The following SCHIP1 variants were observed in gnomAD, a reference collection of about 807,000 sequenced individuals.
SCHIP1 encodes schwannomin-interacting protein 1.
Under a neutral mutation model 29.7 loss-of-function variants are expected in SCHIP1, and 8 were observed. The ratio of observed to expected loss-of-function variants is 0.27; its 90% CI spans 0.16 to 0.49. The LOEUF (loss-of-function observed/expected upper bound fraction) is 0.49. Among genes scored for constraint, SCHIP1 ranks in the 20% least tolerant of loss-of-function variants. SCHIP1 has a pLI of 0.99. For missense variants in SCHIP1, 193 were observed against 294.6 expected (o/e 0.66, Z 2.52); for synonymous variants, 76 against 94.9 (o/e 0.80, Z 1.16).
At chr3:159,645,610 C>G in the SCHIP1 span, among the ~76,000 whole-genome samples, 2 of 152,044 alleles carry the variant, frequency 1.3e-5, no homozygotes, top group Non-Finnish European at 2.9e-5. Context: ...GGCAGGAGTG[C>G]GGAGAATGGA....
At chr3:159,737,874 C>T in the SCHIP1 span, among the ~76,000 whole-genome samples, 7 of 152,068 alleles carry the variant, frequency 4.6e-5, no homozygotes, top group East Asian at 3.8e-4. Context: ...CTACACTGCA[C>T]GGGTGCGGGA....
the SCHIP1 span, among the ~76,000 whole-genome samples, chr3:159,756,979 C>A: frequency 1.3e-5 from 2 of 152,224 alleles, no homozygotes; most frequent in Non-Finnish European, 2.9e-5. Flanking sequence ...TTTGGCAAAG[C>A]CATTCAACAA....
the SCHIP1 span, among the ~76,000 whole-genome samples, chr3:159,794,591 A>G: frequency 6.6e-6 from 1 of 152,230 alleles, no homozygotes; most frequent in Non-Finnish European, 1.5e-5. Context: ...GGTCAAGGCC[A>G]AAGAACTCAC....
the SCHIP1 span, among the ~76,000 whole-genome samples, chr3:159,466,754 A>G: frequency 6.6e-6 from 1 of 152,278 alleles, no homozygotes; most frequent in African/African-American, 2.4e-5. Flanking sequence ...TATTAGTTGT[A>G]AAAGAGGAGT....
chr3:159,402,789 G>T, the SCHIP1 span, among the ~76,000 whole-genome samples: 1 of 152,086 alleles, frequency 6.6e-6, no homozygotes, highest in Non-Finnish European at 1.5e-5. Context: ...TGTTGGGTGG[G>T]GGGAGCAGGG....
At chr3:159,627,734 A>G in the SCHIP1 span, among the ~76,000 whole-genome samples, 1 of 152,216 alleles carries the variant, frequency 6.6e-6, no homozygotes, top group South Asian at 2.1e-4. Context: ...AATTATTTTT[A>G]AAATCTACTG....
At chr3:159,846,665 T>C (rs1711881214) in intron 1 of SCHIP1, among the ~76,000 whole-genome samples, 1 of 152,240 alleles carries the variant, frequency 6.6e-6, no homozygotes, top group African/African-American at 2.4e-5. Context: ...TAAATATAAG[T>C]TCAATGAGAC....
chr3:159,730,673 G>T, the SCHIP1 span, among the ~76,000 whole-genome samples: 1 of 152,028 alleles, frequency 6.6e-6, no homozygotes, highest in Non-Finnish European at 1.5e-5. Context: ...TTCCCTTAAA[G>T]AAAATTTAAT....
At chr3:159,556,341 A>T in the SCHIP1 span, among the ~76,000 whole-genome samples, 5 of 152,214 alleles carry the variant, frequency 3.3e-5, no homozygotes, top group East Asian at 9.7e-4. Context: ...TAGTTCAACC[A>T]TTGTGGAAGT....
the SCHIP1 span, among the ~76,000 whole-genome samples, chr3:159,724,625 C>T: frequency 2.0e-5 from 3 of 152,094 alleles, no homozygotes; most frequent in Non-Finnish European, 4.4e-5. Flanking sequence ...TGGTGATTTA[C>T]AATGGGATAT....
At chr3:159,285,862 T>C in the SCHIP1 span, among the ~76,000 whole-genome samples, 1 of 152,134 alleles carries the variant, frequency 6.6e-6, no homozygotes, top group African/African-American at 2.4e-5. Context: ...GAAACCAGGA[T>C]AGAGGCATTT....
chr3:159,403,303 C>T, the SCHIP1 span, among the ~76,000 whole-genome samples: 1 of 152,028 alleles, frequency 6.6e-6, no homozygotes, highest in Non-Finnish European at 1.5e-5. Context: ...GTATCCACAC[C>T]AAATATCACC....
chr3:159,743,108 G>A, the SCHIP1 span, among the ~76,000 whole-genome samples: 1 of 152,032 alleles, frequency 6.6e-6, no homozygotes, highest in African/African-American at 2.4e-5. Flanking sequence ...CTGCCTTTAG[G>A]CTTCAATCAA....
the SCHIP1 span, among the ~76,000 whole-genome samples, chr3:159,603,379 C>G: frequency 1.3e-5 from 2 of 152,082 alleles, no homozygotes; most frequent in African/African-American, 4.8e-5. Context: ...TATTGGTGAT[C>G]AGCTTAACCT....
At chr3:159,440,676 A>C in the SCHIP1 span, among the ~76,000 whole-genome samples, 1 of 152,080 alleles carries the variant, frequency 6.6e-6, no homozygotes, top group Non-Finnish European at 1.5e-5. Flanking sequence ...CATTGTCCCC[A>C]GTAGGCTATG....
At chr3:159,693,126 G>A in the SCHIP1 span, among the ~76,000 whole-genome samples, 1 of 151,990 alleles carries the variant, frequency 6.6e-6, no homozygotes, top group Admixed American at 6.6e-5. Flanking sequence ...CACCAGCAAG[G>A]GTGATTATAT....
chr3:159,805,852 A>G, the SCHIP1 span, among the ~76,000 whole-genome samples: 1 of 138,730 alleles, frequency 7.2e-6, no homozygotes, highest in South Asian at 2.2e-4. Flanking sequence ...TCTGTCACCC[A>G]GGCTGGAATG....
At chr3:159,383,814 G>T in the SCHIP1 span, among the ~76,000 whole-genome samples, 52 of 151,130 alleles carry the variant, frequency 3.4e-4, no homozygotes, top group African/African-American at 1.0e-3. Flanking sequence ...TCCTTGAAGA[G>T]GTCCTTCACA....
chr3:159,370,485 A>T, the SCHIP1 span, among the ~76,000 whole-genome samples: 1 of 152,218 alleles, frequency 6.6e-6, no homozygotes, highest in Non-Finnish European at 1.5e-5. Flanking sequence ...TGTGATGGTT[A>T]ATTTTAATGT....
Sources: gnomAD v4.1 joint callset for allele counts (sites outside exome capture counted in the v4.1 genomes callset) on GRCh38, gnomAD v4.1.1 for gene constraint, MANE v1.5 for transcripts, NCBI Gene and HGNC (gene_info 2026-07-23, HGNC 2026-07-21) for gene names.